The following CSTPP1 variants were observed in gnomAD, a reference collection of about 807,000 sequenced individuals.
The protein encoded by CSTPP1 is centriolar satellite-associated tubulin polyglutamylase complex regulator 1, also known as UPF0705 protein C11orf49.
the CSTPP1 span, among the ~76,000 whole-genome samples, chr11:47,001,797 A>G: frequency 6.6e-6 from 1 of 152,156 alleles, no homozygotes; most frequent in South Asian, 2.1e-4. Flanking sequence ...ATCATTCACC[A>G]TCTAGAGTTT....
At chr11:47,115,819 C>T in the CSTPP1 span, among the ~76,000 whole-genome samples, 1 of 150,378 alleles carries the variant, frequency 6.6e-6, no homozygotes, top group Non-Finnish European at 1.5e-5. Context: ...CTATCTCTTT[C>T]AGTTCTGCTC....
chr11:47,001,328 C>T, the CSTPP1 span, among the ~76,000 whole-genome samples: 1 of 152,160 alleles, frequency 6.6e-6, no homozygotes, highest in African/African-American at 2.4e-5. Context: ...TTGTGTTCTA[C>T]ACTACATAGT....
chr11:47,123,925 C>T, the CSTPP1 span, among the ~76,000 whole-genome samples: 1 of 138,948 alleles, frequency 7.2e-6, no homozygotes, highest in African/African-American at 2.6e-5. Context: ...GCACTTCAGC[C>T]TGGGTGACAA....
the CSTPP1 span, among the ~76,000 whole-genome samples, chr11:47,083,416 G>T: frequency 6.6e-6 from 1 of 152,110 alleles, no homozygotes; most frequent in Non-Finnish European, 1.5e-5. Context: ...GTGGATGTTT[G>T]TATACACACT....
At chr11:47,050,686 T>A in the CSTPP1 span, among the ~76,000 whole-genome samples, 1 of 152,234 alleles carries the variant, frequency 6.6e-6, no homozygotes, top group Non-Finnish European at 1.5e-5. Context: ...GCTACAGTAT[T>A]ATCATTTCAG....
At chr11:47,102,989 G>GAAAAA in the CSTPP1 span, among the ~76,000 whole-genome samples, 1 of 120,512 alleles carries the variant, frequency 8.3e-6, no homozygotes, top group Non-Finnish European at 1.6e-5. Context: ...GTGCCTCACA[G>GAAAAA]AAAAAAAAAA....
chr11:47,136,592 C>T, the CSTPP1 span, among the ~76,000 whole-genome samples: 30 of 152,236 alleles, frequency 2.0e-4, no homozygotes, highest in African/African-American at 6.7e-4. Context: ...ACCAAACTAA[C>T]GGGGGCAGGA....
chr11:47,076,704 GGT>G, the CSTPP1 span, among the ~76,000 whole-genome samples: 1 of 151,976 alleles, frequency 6.6e-6, no homozygotes, highest in African/African-American at 2.4e-5. Context: ...AGCTGGCCAT[GGT>G]GCCTGTAATC....
At chr11:47,136,367 C>T in the CSTPP1 span, among the ~76,000 whole-genome samples, 451 of 152,230 alleles carry the variant, frequency 3.0e-3, 2 homozygotes, top group Middle Eastern at 6.8e-3. Flanking sequence ...CAGGCTGTGC[C>T]CGAGGTCAGG....
chr11:47,076,868 A>G, the CSTPP1 span, among the ~76,000 whole-genome samples: 1 of 151,986 alleles, frequency 6.6e-6, no homozygotes, highest in Non-Finnish European at 1.5e-5. Flanking sequence ...GAGTTCTTAG[A>G]AAGTAAACAT....
the CSTPP1 span, among the ~76,000 whole-genome samples, chr11:47,060,258 C>CTTTTT: frequency 0.011 from 1,093 of 98,990 alleles, 1 homozygote; most frequent in East Asian, 0.018. Context: ...CTTTTCTTTT[C>CTTTTT]TTTTTTTTTT....
the CSTPP1 span, chr11:47,052,240 G>A: frequency 2.0e-6 from 2 of 995,696 alleles, no homozygotes; most frequent in Non-Finnish European, 2.9e-6. Context: ...CCCCATAGAA[G>A]GACTAGGTCT....
the CSTPP1 span, among the ~76,000 whole-genome samples, chr11:46,956,395 C>T: frequency 6.6e-6 from 1 of 152,152 alleles, no homozygotes; most frequent in Non-Finnish European, 1.5e-5. Flanking sequence ...AAACAAAACC[C>T]CCAAAGAACA....
At chr11:47,137,168 G>C in the CSTPP1 span, 3,038 of 813,520 alleles carry the variant, frequency 3.7e-3, 79 homozygotes, top group African/African-American at 0.051. Context: ...TTTCTATGCT[G>C]TACTCTTCTC....
At chr11:47,081,789 G>A in the CSTPP1 span, among the ~76,000 whole-genome samples, 1 of 151,590 alleles carries the variant, frequency 6.6e-6, no homozygotes, top group Non-Finnish European at 1.5e-5. Flanking sequence ...AATTCTAGAT[G>A]GATCAAAAAT....
chr11:46,946,272 G>A, the CSTPP1 span, among the ~76,000 whole-genome samples: 1 of 152,230 alleles, frequency 6.6e-6, no homozygotes, highest in Non-Finnish European at 1.5e-5. Flanking sequence ...ATGCTATTCA[G>A]AAGTTGGGGA....
chr11:47,047,077 T>G, the CSTPP1 span, among the ~76,000 whole-genome samples: 3 of 152,174 alleles, frequency 2.0e-5, no homozygotes, highest in South Asian at 2.1e-4. Context: ...ATTTTTGTAT[T>G]TTTAGTAGAT....
At chr11:46,962,343 A>G in the CSTPP1 span, among the ~76,000 whole-genome samples, 1 of 152,158 alleles carries the variant, frequency 6.6e-6, no homozygotes, top group Admixed American at 6.5e-5. Flanking sequence ...TGTAGCTTTG[A>G]ATAAGTTTTG....
At chr11:47,036,999 A>G in the CSTPP1 span, among the ~76,000 whole-genome samples, 2 of 126,836 alleles carry the variant, frequency 1.6e-5, 1 homozygote, top group Non-Finnish European at 3.7e-5. Flanking sequence ...ACTAAAAACA[A>G]CTGGGCTTCT....
Sources: gnomAD v4.1 joint callset for allele counts (sites outside exome capture counted in the v4.1 genomes callset) on GRCh38, gnomAD v4.1.1 for gene constraint, MANE v1.5 for transcripts, NCBI Gene and HGNC (gene_info 2026-07-23, HGNC 2026-07-21) for gene names.